PDE8B: variants seen among roughly 807,000 people sequenced by gnomAD.
PDE8B encodes the protein phosphodiesterase 8B, also known as high affinity cAMP-specific and IBMX-insensitive 3',5'-cyclic phosphodiesterase 8B.
In PDE8B, 26 loss-of-function variants were observed where a neutral mutation model predicts 101.3. The ratio of observed to expected loss-of-function variants is 0.26; its 90% CI spans 0.19 to 0.36. The LOEUF (loss-of-function observed/expected upper bound fraction) is 0.36, where lower values mean the gene tolerates loss of function less well. PDE8B is among the 10% of genes least tolerant of loss of function. The pLI is 1.00. For synonymous variants in PDE8B, 424 were observed against 429.3 expected (o/e 0.99, Z 0.15); for missense variants, 810 against 1,163.1 (o/e 0.70, Z 4.42).
intron 1 of PDE8B, among the ~76,000 whole-genome samples, chr5:77,237,085 T>C (rs1754850643): frequency 1.3e-5 from 2 of 152,190 alleles, no homozygotes; most frequent in Non-Finnish European, 2.9e-5. Context: ...TAGACAGATA[T>C]TCCCTTTGTT....
chr5:77,325,493 TATGGATGATG>T (rs1258102772), intron 2 of PDE8B, 36 bp from the exon 3 acceptor site: 3 of 1,562,534 alleles, frequency 1.9e-6, no homozygotes, highest in Non-Finnish European at 2.6e-6. Context: ...TAATAGTCTC[TATGGATGATG>T]ATTTATTTCA....
At chr5:77,154,146 A>G in the PDE8B span, among the ~76,000 whole-genome samples, 1 of 152,248 alleles carries the variant, frequency 6.6e-6, no homozygotes, top group Non-Finnish European at 1.5e-5. Context: ...TGGGAGGCCA[A>G]GTGAAATTCT....
At chr5:77,395,234 A>G (rs1790755424) in intron 10 of PDE8B, among the ~76,000 whole-genome samples, 1 of 151,166 alleles carries the variant, frequency 6.6e-6, no homozygotes, top group African/African-American at 2.4e-5. Context: ...CTCCTGCCTC[A>G]GCCTCCCAAG....
chr5:77,278,709 T>TCCACCCACCTCAGCC (rs1561459876), intron 1 of PDE8B, among the ~76,000 whole-genome samples: 1 of 152,138 alleles, frequency 6.6e-6, no homozygotes, highest in African/African-American at 2.4e-5. Context: ...GACCTCGTGA[T>TCCACCCACCTCAGCC]TCCCAAAGTG....
At chr5:77,417,690 G>C in intron 17 of PDE8B, among the ~76,000 whole-genome samples, 1 of 152,154 alleles carries the variant, frequency 6.6e-6, no homozygotes, top group East Asian at 1.9e-4. Flanking sequence ...TTATTTGCAA[G>C]AACCCCTTTA....
the PDE8B span, chr5:77,089,342 C>G: frequency 6.3e-6 from 1 of 159,652 alleles, no homozygotes; most frequent in Non-Finnish European, 1.3e-5. Context: ...CCTGTCACCC[C>G]CAGACGGGCC....
chr5:77,169,399 G>T, the PDE8B span, among the ~76,000 whole-genome samples: 1 of 152,290 alleles, frequency 6.6e-6, no homozygotes, highest in Admixed American at 6.5e-5. Context: ...TAAAACACAG[G>T]TTTCAAGGGC....
intron 10 of PDE8B, among the ~76,000 whole-genome samples, chr5:77,391,345 G>A (rs913735339): frequency 2.6e-5 from 4 of 152,138 alleles, no homozygotes; most frequent in East Asian, 1.9e-4. Flanking sequence ...TCATTAAGTC[G>A]GTCCCACAAT....
intron 4 of PDE8B, among the ~76,000 whole-genome samples, chr5:77,330,936 C>T (rs1776999576): frequency 6.6e-6 from 1 of 152,218 alleles, no homozygotes; most frequent in Non-Finnish European, 1.5e-5. Flanking sequence ...TGATACTTCT[C>T]TCCCATTTGG....
chr5:77,103,751 C>T, the PDE8B span, among the ~76,000 whole-genome samples: 3 of 152,142 alleles, frequency 2.0e-5, no homozygotes, highest in Non-Finnish European at 4.4e-5. Context: ...ATAGCTTGGA[C>T]ATCCTGCATC....
the PDE8B span, among the ~76,000 whole-genome samples, chr5:77,108,689 T>G: frequency 6.6e-6 from 1 of 152,196 alleles, no homozygotes; most frequent in Non-Finnish European, 1.5e-5. Flanking sequence ...TCTCAAAATA[T>G]ACATATATAT....
At chr5:77,315,461 T>A (rs1253989446) in intron 2 of PDE8B, among the ~76,000 whole-genome samples, 1 of 152,228 alleles carries the variant, frequency 6.6e-6, no homozygotes, top group African/African-American at 2.4e-5. Flanking sequence ...TGATTTTTTT[T>A]ATATTTGTTG....
chr5:77,354,918 T>G (rs555770459), intron 10 of PDE8B, among the ~76,000 whole-genome samples: 3 of 152,208 alleles, frequency 2.0e-5, no homozygotes, highest in Non-Finnish European at 4.4e-5. Context: ...CTCTTTGCTT[T>G]GTATCACCCA....
At chr5:77,262,536 C>T (rs1760833807) in intron 1 of PDE8B, among the ~76,000 whole-genome samples, 1 of 152,202 alleles carries the variant, frequency 6.6e-6, no homozygotes, top group South Asian at 2.1e-4. Flanking sequence ...AATTGATTTC[C>T]ATACTTTATA....
intron 17 of PDE8B, among the ~76,000 whole-genome samples, chr5:77,417,100 T>C (rs1434344454): frequency 6.6e-6 from 1 of 152,126 alleles, no homozygotes; most frequent in Non-Finnish European, 1.5e-5. Context: ...TTATCCGATA[T>C]GGTAGCCATC....
At chr5:77,372,325 C>G (rs1785213026) in intron 10 of PDE8B, among the ~76,000 whole-genome samples, 1 of 152,310 alleles carries the variant, frequency 6.6e-6, no homozygotes, top group East Asian at 1.9e-4. Context: ...ATGTTATACA[C>G]AAAAAGTCAT....
At chr5:77,311,303 A>G (rs1772551444) in intron 1 of PDE8B, among the ~76,000 whole-genome samples, 1 of 152,244 alleles carries the variant, frequency 6.6e-6, no homozygotes, top group Non-Finnish European at 1.5e-5. Context: ...TGCCAAAGGC[A>G]GCCAGATGGT....
At chr5:77,198,001 G>A in the PDE8B span, among the ~76,000 whole-genome samples, 1 of 151,462 alleles carries the variant, frequency 6.6e-6, no homozygotes, top group African/African-American at 2.4e-5. Flanking sequence ...ACATTTTCCT[G>A]CTTCTTGGGA....
chr5:77,109,929 T>TTTTTTTTTTTTTTTTTTTTTG, the PDE8B span, among the ~76,000 whole-genome samples: 1 of 77,382 alleles, frequency 1.3e-5, no homozygotes, highest in African/African-American at 5.7e-5. Flanking sequence ...GTATTTCAGT[T>TTTTTTTTTTTTTTTTTTTTTG]TTTTTTTTTT....
Sources: gnomAD v4.1 joint callset for allele counts (sites outside exome capture counted in the v4.1 genomes callset) on GRCh38, gnomAD v4.1.1 for gene constraint, MANE v1.5 for transcripts, NCBI Gene and HGNC (gene_info 2026-07-23, HGNC 2026-07-21) for gene names.